NPR1: variants seen among roughly 807,000 people sequenced by gnomAD.
The protein encoded by NPR1 is natriuretic peptide receptor 1, also known as atrial natriuretic peptide receptor 1.
Under a neutral mutation model 116.9 loss-of-function variants are expected in NPR1, and 57 were observed. That is an observed-to-expected ratio of 0.49 (90% CI 0.39 to 0.61). The LOEUF (loss-of-function observed/expected upper bound fraction) is 0.61. NPR1 is among the 20% of genes least tolerant of loss of function. NPR1 has a pLI of 0.00. For synonymous variants in NPR1, 555 were observed against 601.6 expected, an observed-to-expected ratio of 0.92 and a Z score of 1.13; for missense variants, 1,096 against 1,409.8, an observed-to-expected ratio of 0.78 and a Z score of 3.56.
chr1:153,682,488 A>G lies in NPR1; in HGVS notation c.1172-10A>G, dbSNP rs771463059. 1.9e-6 allele frequency: 3 copies of G among 1,604,962 alleles called. No homozygotes were observed. The highest frequency in any genetic ancestry group is 1.7e-6 in the Non-Finnish European group (2 of 1,171,648). ...CTCTCAAACATAGTCATCTTCCCCC[A>G]TGTCCTCAGGTGTGACAGGATACCT... On this transcript the variant is annotated splice_polypyrimidine_tract_variant and intron_variant, in intron 4 of 21. Coordinates refer to ENST00000368680, the MANE Select transcript of NPR1 (RefSeq NM_000906.4).
Position 153,693,778 on chromosome 1 carries a change from G to C in NPR1, c.*364G>C. On this transcript the variant is annotated 3_prime_UTR_variant, in exon 22 of 22. Coordinates refer to ENST00000368680, the MANE Select transcript of NPR1 (RefSeq NM_000906.4). ...CCCTGTGACTTACTGGGAGGAGAAA[G>C]AGTCACCTGAAGGGGAACATGAAAA... 1 of 404,066 alleles carries C rather than the reference G, an allele frequency of 2.5e-6. No individual in the cohort carries two copies. Among genetic ancestry groups the C allele is most frequent in the Non-Finnish European group, 4.3e-6 (1 of 229,890 alleles). The allele number at this position is 404,066 out of a possible 1,614,324, so 25.0% of individuals were successfully genotyped here. A position where few individuals can be genotyped will look rare whatever the true frequency, so the allele number is the denominator to read the frequency against.
At chr1:153,683,206 T>C (rs889240451) in intron 5 of NPR1, among the ~76,000 whole-genome samples, 170 bp from the exon 6 acceptor site, 3 of 152,080 alleles carry the variant, frequency 2.0e-5, no homozygotes, top group Non-Finnish European at 4.4e-5. Context: ...ATGTGTGTGG[T>C]ATGAGGTCCT....
chr1:153,680,051 C>T (rs1267721433), intron 1 of NPR1, among the ~76,000 whole-genome samples: 6 of 152,056 alleles, frequency 3.9e-5, no homozygotes, highest in Non-Finnish European at 1.5e-5. Context: ...CTCCCCGACC[C>T]CCACTCATTC....
Position 153,685,089 on chromosome 1 carries a change from G to A in NPR1, c.1605+5G>A. On this transcript the variant is annotated splice_donor_5th_base_variant and intron_variant, in intron 8 of 21. Transcript: ENST00000368680. ...AGCCGGCTGACCCTGAGCGGGGTAA[G>A]AACGCTGGTGTTTGTGTTGGGGGGC... The A allele has an allele frequency of 6.2e-7, 1 of 1,613,668 alleles. No homozygotes were observed. The highest frequency in any genetic ancestry group is 8.5e-7 in the Non-Finnish European group (1 of 1,179,794).
At chr1:153,686,300 C>T (rs912769353) in intron 10 of NPR1, 100 bp downstream of exon 10, 13 of 1,153,344 alleles carry the variant, frequency 1.1e-5, no homozygotes, top group African/African-American at 1.5e-5. Flanking sequence ...CAGGGTACCC[C>T]AAGAAAGGGG....
At chr1:153,684,746 G>A (rs903579985) in intron 7 of NPR1, among the ~76,000 whole-genome samples, 2 of 152,010 alleles carry the variant, frequency 1.3e-5, no homozygotes, top group Non-Finnish European at 2.9e-5. Context: ...TAGATATTGC[G>A]GCCTCATTCC....
intron 13 of NPR1, 27 bp from the exon 14 acceptor site, chr1:153,687,607 C>G (rs376249725): frequency 2.1e-5 from 32 of 1,552,048 alleles, no homozygotes; most frequent in Non-Finnish European, 2.6e-5. Context: ...CTCCCTCACT[C>G]GGTGACTACC....
At chr1:153,683,274 C>T (rs745766957) in intron 5 of NPR1, 102 bp from the exon 6 acceptor site, 118 of 1,363,948 alleles carry the variant, frequency 8.7e-5, no homozygotes, top group Non-Finnish European at 1.1e-4. Flanking sequence ...TATATGTAGG[C>T]TCTAGAAGCA....
Position 153,693,475 on chromosome 1 carries a change from C to A in NPR1, c.*61C>A. 1 of 1,461,196 alleles carries A rather than the reference C, an allele frequency of 6.8e-7. No homozygotes were observed. The allele number at this position is 1,461,196 out of a possible 1,614,324, so 90.5% of individuals were successfully genotyped here. The stretch of plus-strand genomic sequence containing the variant: ...CCTGTGCCAGAAGCAACAGAGGTGC[C>A]AGGCCTCAGCCTCACCCACAGCAGC... On this transcript the variant is annotated 3_prime_UTR_variant, in exon 22 of 22. Transcript: ENST00000368680.
intron 20 of NPR1, among the ~76,000 whole-genome samples, chr1:153,690,597 A>G (rs1670079725): frequency 6.6e-6 from 1 of 152,048 alleles, no homozygotes; most frequent in Non-Finnish European, 1.5e-5. Context: ...AAACGATGTA[A>G]AAGTATTTCC....
In NPR1 at chr1:153,683,638, C is replaced by T. The variant is rs576614652; in HGVS notation, c.1400-102C>T. On this transcript the variant is annotated intron_variant, in intron 6 of 21. Coordinates refer to ENST00000368680, the MANE Select transcript of NPR1 (RefSeq NM_000906.4). ...GAGAATGACTCCTGCCTTTTTCTTCCCTTCATCCATCATCCCAGTTCACTG... is the reference window on the plus strand; with the variant it reads ...GAGAATGACTCCTGCCTTTTTCTTCTCTTCATCCATCATCCCAGTTCACTG... The T allele has an allele frequency of 1.0e-4, 160 of 1,542,140 alleles. 1 individual carries two copies. The Admixed American group carries it at 2.7e-3, about 26-fold the overall frequency.
Position 153,689,641 on chromosome 1 carries a change from C to T in NPR1, c.2757+120C>T. Reference sequence around the variant, plus strand: ...AGGAGATCGGGGACACGGGCAGAGACAGTGACACAGGGAGACCCGGGAACA... The same window carrying T: ...AGGAGATCGGGGACACGGGCAGAGATAGTGACACAGGGAGACCCGGGAACA... On this transcript the variant is annotated intron_variant, in intron 18 of 21. Coordinates refer to ENST00000368680, the MANE Select transcript of NPR1 (RefSeq NM_000906.4). The surrounding 1 kb of genome is among the most constrained non-coding windows in gnomAD (Gnocchi z 5.1). The T allele has an allele frequency of 8.1e-7, 1 of 1,227,000 alleles. No individual in the cohort carries two copies. 76.0% of individuals were successfully genotyped at this position (1,227,000 alleles called of 1,614,324 possible).
At chr1:153,682,222 A>AT (rs1669801506) in intron 4 of NPR1, among the ~76,000 whole-genome samples, 1 of 150,892 alleles carries the variant, frequency 6.6e-6, no homozygotes, top group East Asian at 1.9e-4. Context: ...CACTTGGCTA[A>AT]TTTTTTGTAT....
At chr1:153,681,679 A>G (rs1480116654) in intron 3 of NPR1, 25 bp from the exon 4 acceptor site, 1 of 1,609,684 alleles carries the variant, frequency 6.2e-7, no homozygotes, top group South Asian at 1.1e-5. Context: ...TGCCCACCCC[A>G]GCCGACCTCT....
At position 153,680,638 on chromosome 1, in the gene NPR1, G is replaced by A. The variant is rs1229153411; in HGVS notation, c.859G>A (p.Ala287Thr). 6.2e-7 allele frequency: 1 copy of A among 1,614,138 alleles called. No homozygotes were observed. The highest frequency in any genetic ancestry group is 2.2e-5 in the East Asian group (1 of 44,884). ...GQSLQGGQGP[A>T]PRRPWERGDG... ...AAGCCTGCAAGGTGGACAGGGCCCT[G>A]CTCCCCGCAGGCCCTGGGAGAGAGG... The change falls in exon 2 of 22, where the codon GCT becomes ACT. Residue 287 changes from alanine (A) to threonine (T), a missense_variant. Ala to Thr is a moderately conservative substitution (Grantham distance 58). Transcript: ENST00000368680.
intron 4 of NPR1, among the ~76,000 whole-genome samples, chr1:153,682,291 G>A (rs1027681754): frequency 1.1e-4 from 16 of 151,894 alleles, no homozygotes; most frequent in African/African-American, 2.9e-4. Context: ...AACTCCTGAC[G>A]TCAGGTGATC....
chr1:153,686,757 G>C lies in NPR1; in HGVS notation c.1863+7G>C. On this transcript the variant is annotated splice_region_variant and intron_variant, in intron 11 of 21. Transcript: ENST00000368680. ...TCCCCGTGGGAGCCTGCAGGTGAGG[G>C]GGACAAGGGGTGTCAAGAAACCTGG... 2 of 1,611,014 alleles carry C rather than the reference G, an allele frequency of 1.2e-6. No homozygotes were observed. Among genetic ancestry groups the C allele is most frequent in the Non-Finnish European group, 1.7e-6 (2 of 1,177,868 alleles).
At chr1:153,685,122 G>A in intron 8 of NPR1, 38 bp downstream of exon 8, 1 of 1,610,362 alleles carries the variant, frequency 6.2e-7, no homozygotes, top group East Asian at 2.2e-5. Flanking sequence ...GGCAATAAAG[G>A]AGAGGTGGGT....
intron 2 of NPR1, 132 bp downstream of exon 2, chr1:153,680,832 T>C: frequency 2.7e-6 from 2 of 736,702 alleles, no homozygotes; most frequent in Non-Finnish European, 4.3e-6. Context: ...GCACTCCTGG[T>C]AACTCACAGA....
Sources: allele counts gnomAD v4.1 joint callset (sites outside exome capture counted in the v4.1 genomes callset), GRCh38; gene constraint gnomAD v4.1.1; non-coding constraint Gnocchi (gnomAD v3.1); transcripts MANE v1.5; gene names NCBI Gene and HGNC (gene_info 2026-07-23, HGNC 2026-07-21).